Variants in CTPS2 observed in about 807,000 individuals in gnomAD.
CTPS2 encodes CTP synthase II.
Under a neutral mutation model 46.8 loss-of-function variants are expected in CTPS2, and 19 were observed. That is an observed-to-expected ratio of 0.41 (90% CI 0.28 to 0.60). CTPS2 has a LOEUF of 0.60. CTPS2 is among the 20% of genes least tolerant of loss of function. The pLI, the probability that CTPS2 is intolerant of heterozygous loss-of-function variation, is 0.35. For missense variants in CTPS2, 286 were observed against 447.6 expected, an observed-to-expected ratio of 0.64 and a Z score of 3.26; for synonymous variants, 151 against 165.2, an observed-to-expected ratio of 0.91 and a Z score of 0.66.
At position 16,698,271 on chromosome X, in the gene CTPS2, C is replaced by T. The variant is rs1172405945; in HGVS notation, c.403G>A (p.Gly135Ser). ...VMNQAKVPVDGNKEEPQICVI... is the reference protein window; with the variant it reads ...VMNQAKVPVDSNKEEPQICVI... ...CATATTTGGGGCTCTTCCTTATTACCATCCACCGGCACCTTGGCTTGATTC... is the reference window on the plus strand; with the variant it reads ...CATATTTGGGGCTCTTCCTTATTACTATCCACCGGCACCTTGGCTTGATTC... The change falls in exon 4 of 19, where the codon GGT (glycine) becomes AGT (serine). Residue 135 changes from glycine to serine, a missense_variant. Gly to Ser is a moderately conservative substitution (Grantham distance 56). Coordinates refer to ENST00000359276, the MANE Select transcript of CTPS2 (RefSeq NM_175859.3). The T allele has an allele frequency of 8.3e-7, 1 of 1,207,546 alleles. No individual in the cohort carries two copies. The highest frequency in any genetic ancestry group is 2.2e-5 in the Admixed American group (1 of 45,897).
chrX:16,597,324 T>C (rs1178577562), intron 17 of CTPS2, among the ~76,000 whole-genome samples: 1 of 112,145 alleles, frequency 8.9e-6, no homozygotes, highest in African/African-American at 3.2e-5. Flanking sequence ...TTTATGGTTT[T>C]AGGTCTAACG....
At chrX:16,712,037 AG>A (rs1421277350) in intron 1 of CTPS2, 1 of 108,327 alleles carries the variant, frequency 9.2e-6, no homozygotes, top group Admixed American at 9.7e-5. Context: ...GCGCGGGCGG[AG>A]GCGGGAAGAA....
chrX:16,597,631 G>A lies in CTPS2; in HGVS notation c.1692-6769C>T, dbSNP rs1929362679. Reference sequence around the variant, plus strand: ...ATAGTTTGAAGTCAGGTAGTGTGATGCCTCCAGCTTTGTTCTTTTGGCTTA... The same window carrying A: ...ATAGTTTGAAGTCAGGTAGTGTGATACCTCCAGCTTTGTTCTTTTGGCTTA... On this transcript the variant is annotated intron_variant, in intron 17 of 18. Coordinates refer to ENST00000359276, the MANE Select transcript of CTPS2 (RefSeq NM_175859.3). Among the ~76,000 whole-genome samples the A allele has an allele frequency of 2.7e-5, 3 of 111,924 alleles. No homozygotes were observed. The South Asian group carries it at 1.1e-3, about 42-fold the overall frequency.
chrX:16,670,941 C>T (rs964666503), intron 10 of CTPS2, among the ~76,000 whole-genome samples: 22 of 111,472 alleles, frequency 2.0e-4, no homozygotes, highest in African/African-American at 6.5e-4. Context: ...AACTGAGAAA[C>T]CCAATTCAAT....
At chrX:16,673,888 T>TA (rs1322072193) in intron 10 of CTPS2, among the ~76,000 whole-genome samples, 2 of 111,478 alleles carry the variant, frequency 1.8e-5, no homozygotes, top group African/African-American at 6.5e-5. Context: ...CCATGCCCCC[T>TA]AGCTATGCTG....
intron 17 of CTPS2, among the ~76,000 whole-genome samples, chrX:16,607,560 T>A (rs1930044139): frequency 8.9e-6 from 1 of 112,555 alleles, no homozygotes; most frequent in South Asian, 3.6e-4. Context: ...ATGCCCAAAG[T>A]GCAAATTATG....
At chrX:16,707,227 T>C (rs1028072840) in intron 1 of CTPS2, among the ~76,000 whole-genome samples, 1 of 111,624 alleles carries the variant, frequency 9.0e-6, no homozygotes, top group Non-Finnish European at 1.9e-5. Flanking sequence ...TTGAGTACTA[T>C]TGTTTTTCCC....
chrX:16,679,587 G>A (rs1261526273), intron 9 of CTPS2, among the ~76,000 whole-genome samples: 5 of 110,948 alleles, frequency 4.5e-5, no homozygotes, highest in Non-Finnish European at 9.4e-5. Context: ...TGGTTTGAAT[G>A]TCTGTGTTCC....
intron 14 of CTPS2, among the ~76,000 whole-genome samples, chrX:16,625,742 G>A (rs939932874): frequency 1.8e-5 from 2 of 110,119 alleles, no homozygotes; most frequent in Non-Finnish European, 3.8e-5. Context: ...AGATGGAGTG[G>A]GAAGATGATC....
chrX:16,694,269 C>G (rs920390101), intron 4 of CTPS2, among the ~76,000 whole-genome samples: 1 of 111,855 alleles, frequency 8.9e-6, no homozygotes, highest in Admixed American at 9.5e-5. Context: ...CCATCTGGTC[C>G]CCTCCCCGCT....
chrX:16,670,176 A>G (rs949051782), intron 11 of CTPS2, among the ~76,000 whole-genome samples: 2 of 111,897 alleles, frequency 1.8e-5, no homozygotes, highest in Non-Finnish European at 1.9e-5. Context: ...ACAGTTGCAG[A>G]TGGAGCCTTC....
At chrX:16,667,446 T>A in intron 13 of CTPS2, 68 bp downstream of exon 13, 1 of 1,116,570 alleles carries the variant, frequency 9.0e-7, no homozygotes, top group Non-Finnish European at 1.2e-6. Flanking sequence ...TAGCCCCTTA[T>A]GAATTTAGGC....
chrX:16,684,959 T>C (rs956336509), intron 8 of CTPS2, among the ~76,000 whole-genome samples: 1 of 111,060 alleles, frequency 9.0e-6, no homozygotes, highest in Admixed American at 9.6e-5. Flanking sequence ...GGCATGGTGG[T>C]GCACGCCTGT....
chrX:16,669,633 G>A (rs74678259), intron 11 of CTPS2, among the ~76,000 whole-genome samples: 1 of 110,388 alleles, frequency 9.1e-6, no homozygotes, highest in Non-Finnish European at 1.9e-5. Flanking sequence ...AAGGTATCCA[G>A]GTAACTACTC....
chrX:16,609,346 G>T (rs901320492), intron 17 of CTPS2, among the ~76,000 whole-genome samples, 195 bp downstream of exon 17: 1 of 111,649 alleles, frequency 9.0e-6, no homozygotes. Flanking sequence ...GTGTCATCAC[G>T]ATTTGGAAAG....
At chrX:16,655,161 G>A (rs1352221836) in intron 13 of CTPS2, among the ~76,000 whole-genome samples, 4 of 111,860 alleles carry the variant, frequency 3.6e-5, no homozygotes, top group Admixed American at 9.5e-5. Flanking sequence ...GACAGTTGAC[G>A]TCATGCTATC....
In CTPS2 at chrX:16,692,282, ACAC is replaced by A. The variant is rs1569233552; in HGVS notation, c.640-665_640-663del. Among the ~76,000 whole-genome samples, 37 of 101,619 alleles carry A rather than the reference ACAC, an allele frequency of 3.6e-4. 1 individual carries two copies. The highest frequency in any genetic ancestry group is 8.4e-4 in the South Asian group (2 of 2,368). The allele number at this position is 101,619 out of a possible 115,157, so 88.2% of individuals were successfully genotyped here. A position where few individuals can be genotyped will look rare whatever the true frequency, so the allele number is the denominator to read the frequency against. On this transcript the variant is annotated intron_variant, in intron 6 of 18. Transcript: ENST00000359276. ...ACATAGCAAAACCCTGTCTCTACAAACACACACACACACACACACACACACCAC... is the reference window on the plus strand; with the variant it reads ...ACATAGCAAAACCCTGTCTCTACAAAACACACACACACACACACACACCAC...
chrX:16,698,203 G>C lies in CTPS2; in HGVS notation c.438+33C>G, dbSNP rs775497353. 16 of 993,765 alleles carry C rather than the reference G, an allele frequency of 1.6e-5. No homozygotes were observed. The South Asian group carries it at 2.7e-4, about 17-fold the overall frequency. 81.9% of individuals were successfully genotyped at this position (993,765 alleles called of 1,213,427 possible). ...GATCAGATGCTCAAAGACCCAGCAG[G>C]ATATAATTTTATAAAGAAAGTTCTA... is the stretch of plus-strand genomic sequence containing the variant. On this transcript the variant is annotated intron_variant, in intron 4 of 18. Transcript: ENST00000359276.
intron 13 of CTPS2, among the ~76,000 whole-genome samples, chrX:16,662,821 C>T (rs1031996465): frequency 1.8e-5 from 2 of 109,098 alleles, no homozygotes; most frequent in African/African-American, 3.3e-5. Flanking sequence ...TTTTATTGTT[C>T]TCATCTCACT....
Sources: allele counts gnomAD v4.1 joint callset (sites outside exome capture counted in the v4.1 genomes callset), GRCh38; gene constraint gnomAD v4.1.1; transcripts MANE v1.5; gene names NCBI Gene and HGNC (gene_info 2026-07-23, HGNC 2026-07-21).